The following TASP1 variants were observed in gnomAD, a reference collection of about 807,000 sequenced individuals.
TASP1 encodes taspase 1.
TASP1 carries 16 observed loss-of-function variants against 56.6 expected under a neutral mutation model. The observed-to-expected ratio is 0.28, with a 90% CI of 0.19 to 0.43. The LOEUF (loss-of-function observed/expected upper bound fraction) is 0.43, where lower values mean the gene tolerates loss of function less well. TASP1 is among the 20% of genes least tolerant of loss of function. The probability of loss-of-function intolerance (pLI) is 1.00; values close to 1 mark genes in which losing one functional copy is unlikely to be tolerated. For missense variants in TASP1, 393 were observed against 511.6 expected (o/e 0.77, Z 2.24); for synonymous variants, 179 against 184.2 (o/e 0.97, Z 0.23).
chr20:13,154,023 C>T, the TASP1 span: 1 of 1,614,110 alleles, frequency 6.2e-7, no homozygotes, highest in Non-Finnish European at 8.5e-7. Context: ...AGTACAGCAA[C>T]TTGCGAAAAA....
intron 12 of TASP1, among the ~76,000 whole-genome samples, chr20:13,418,988 T>C (rs913372984): frequency 3.9e-5 from 6 of 152,214 alleles, no homozygotes; most frequent in Non-Finnish European, 8.8e-5. Context: ...GAACACAATG[T>C]GTCATTCTGG....
chr20:13,165,797 T>C, the TASP1 span: 1 of 152,218 alleles, frequency 6.6e-6, no homozygotes, highest in East Asian at 1.9e-4. Flanking sequence ...ATTTGAAGAA[T>C]GCATTGATTC....
chr20:13,186,330 T>G, the TASP1 span, among the ~76,000 whole-genome samples: 2 of 152,214 alleles, frequency 1.3e-5, no homozygotes, highest in Non-Finnish European at 2.9e-5. Context: ...AGAGCCGTAT[T>G]CTTTCTGGGA....
intron 10 of TASP1, among the ~76,000 whole-genome samples, chr20:13,525,174 G>GT (rs1347840124): frequency 2.6e-5 from 4 of 152,150 alleles, no homozygotes; most frequent in Non-Finnish European, 4.4e-5. Context: ...ATGAAATACA[G>GT]TAAGTATTGA....
In TASP1 at chr20:13,488,493, G is replaced by C. The variant is rs1025380586; in HGVS notation, c.875-5156C>G. On this transcript the variant is annotated intron_variant, in intron 10 of 13. Transcript: ENST00000337743. ...TTAAACTACCATTCTACTAGAGTGA[G>C]GGTGAATAGAGACCGTTTCAGACAT... Among the ~76,000 whole-genome samples the C allele has an allele frequency of 2.6e-5, 4 of 152,248 alleles. 1 individual carries two copies. In the East Asian group the frequency reaches 7.7e-4, roughly 29 times the overall value.
At chr20:13,281,746 A>G in the TASP1 span, among the ~76,000 whole-genome samples, 1 of 152,196 alleles carries the variant, frequency 6.6e-6, no homozygotes, top group Non-Finnish European at 1.5e-5. Flanking sequence ...CCACTGAGTG[A>G]GAGAAGCACA....
chr20:13,557,958 T>C (rs1221863555), intron 8 of TASP1, among the ~76,000 whole-genome samples: 1 of 152,062 alleles, frequency 6.6e-6, no homozygotes, highest in Non-Finnish European at 1.5e-5. Flanking sequence ...AAATAGACTA[T>C]CCACCATCAT....
At chr20:13,423,128 G>A (rs1016479260) in intron 12 of TASP1, among the ~76,000 whole-genome samples, 2 of 152,026 alleles carry the variant, frequency 1.3e-5, no homozygotes, top group African/African-American at 4.8e-5. Context: ...ATTGCCTATT[G>A]GACATATGTA....
the TASP1 span, among the ~76,000 whole-genome samples, chr20:13,262,000 C>T: frequency 6.6e-6 from 1 of 152,160 alleles, no homozygotes; most frequent in African/African-American, 2.4e-5. Context: ...GTTCGACACC[C>T]GTTCCCTCTG....
chr20:13,523,365 T>C (rs1048148753), intron 10 of TASP1, among the ~76,000 whole-genome samples: 6 of 152,122 alleles, frequency 3.9e-5, no homozygotes, highest in East Asian at 1.9e-4. Context: ...CACATGGCAT[T>C]TGTCAATATC....
chr20:13,617,204 C>A (rs1300263084), intron 4 of TASP1: 2 of 347,270 alleles, frequency 5.8e-6, no homozygotes, highest in African/African-American at 4.5e-5. Flanking sequence ...TGAAGCACCA[C>A]TGGGAATACT....
At chr20:13,221,475 C>T in the TASP1 span, among the ~76,000 whole-genome samples, 1 of 145,876 alleles carries the variant, frequency 6.9e-6, no homozygotes, top group Non-Finnish European at 1.5e-5. Context: ...TCTCCGCCGC[C>T]GCCGCCGCCA....
the TASP1 span, among the ~76,000 whole-genome samples, chr20:13,261,048 A>C: frequency 2.6e-5 from 4 of 152,176 alleles, no homozygotes; most frequent in Non-Finnish European, 5.9e-5. Context: ...AAGAGCAAAA[A>C]AAAATAGGCA....
chr20:13,350,376 T>C, the TASP1 span, among the ~76,000 whole-genome samples: 1 of 152,098 alleles, frequency 6.6e-6, no homozygotes, highest in Non-Finnish European at 1.5e-5. Context: ...TTTGTACACA[T>C]AGTAACACTG....
the TASP1 span, among the ~76,000 whole-genome samples, chr20:13,201,780 G>T: frequency 8.0e-5 from 12 of 149,174 alleles, no homozygotes; most frequent in South Asian, 2.5e-3. Context: ...TTGAGATGGA[G>T]TCTCGCTCTG....
chr20:13,567,699 A>T (rs765690744), intron 7 of TASP1, among the ~76,000 whole-genome samples: 3 of 152,142 alleles, frequency 2.0e-5, no homozygotes, highest in Non-Finnish European at 4.4e-5. Context: ...TGGAAACCAG[A>T]TGATAAGAGA....
chr20:13,489,357 T>C (rs1277402042), intron 10 of TASP1, among the ~76,000 whole-genome samples: 1 of 152,132 alleles, frequency 6.6e-6, no homozygotes, highest in Non-Finnish European at 1.5e-5. Flanking sequence ...TAGGGGAATA[T>C]ATGGATCTTC....
intron 4 of TASP1, among the ~76,000 whole-genome samples, chr20:13,590,642 A>T (rs182152696): frequency 7.9e-5 from 12 of 152,212 alleles, no homozygotes; most frequent in Non-Finnish European, 1.5e-4. Flanking sequence ...CCAAGGCGGG[A>T]GGATTACAAG....
the TASP1 span, among the ~76,000 whole-genome samples, chr20:13,245,597 T>G: frequency 1.3e-5 from 2 of 152,150 alleles, no homozygotes; most frequent in Non-Finnish European, 2.9e-5. Flanking sequence ...TACCTGCCCA[T>G]TCCTGTGTGT....
Sources: gnomAD v4.1 joint callset for allele counts (sites outside exome capture counted in the v4.1 genomes callset) on GRCh38, gnomAD v4.1.1 for gene constraint, MANE v1.5 for transcripts, NCBI Gene and HGNC (gene_info 2026-07-23, HGNC 2026-07-21) for gene names.